SIGLEC6: variants seen among roughly 807,000 people sequenced by gnomAD.
SIGLEC6 encodes the protein sialic acid binding Ig like lectin 6, also known as sialic acid-binding Ig-like lectin 6.
SIGLEC6 carries 31 observed loss-of-function variants against 41.4 expected under a neutral mutation model. That is an observed-to-expected ratio of 0.75 (90% confidence interval 0.56 to 1.01). The LOEUF is 1.01. Among genes scored for constraint, SIGLEC6 ranks in the 50% least tolerant of loss-of-function variants. The pLI is 0.00. For missense variants in SIGLEC6, 555 were observed against 558.6 expected (o/e 0.99, Z 0.06); for synonymous variants, 217 against 231.0 (o/e 0.94, Z 0.55).
Position 51,529,792 on chromosome 19 carries a change from C to A in SIGLEC6, c.944G>T (p.Gly315Val). The change falls in exon 5 of 8, where the codon GGA becomes GTA. Residue 315 changes from glycine (G) to valine (V), a missense_variant. Gly to Val is a moderately radical substitution (Grantham distance 109). Transcript: ENST00000425629. ...ELPQVGSAEE[G>V]DFTCRAQHPL... ...ATGCTGAGCACGGCAGGTGAAATCT[C>A]CTTCTTCTGCAGACCCTACTTGAGG... 6.2e-7 allele frequency: 1 copy of A among 1,614,170 alleles called. No homozygotes were observed. The highest frequency in any genetic ancestry group is 8.5e-7 in the Non-Finnish European group (1 of 1,180,030).
intron 6 of SIGLEC6, 149 bp from the exon 7 acceptor site, chr19:51,527,977 A>T: frequency 3.2e-6 from 3 of 929,984 alleles, no homozygotes; most frequent in Non-Finnish European, 5.0e-6. Flanking sequence ...CACGGTTTCA[A>T]AGAGACCCCT....
At position 51,530,978 on chromosome 19, in the gene SIGLEC6, C is replaced by T. The variant is rs114596373; in HGVS notation, c.428-19G>A. On this transcript the variant is annotated intron_variant, in intron 2 of 7. Transcript: ENST00000425629. ...GTCAGGGCTGGTGAGGAGATGGGGACGCAGGATCAGGATGGAGGTCTGAGG... is the reference window on the plus strand; with the variant it reads ...GTCAGGGCTGGTGAGGAGATGGGGATGCAGGATCAGGATGGAGGTCTGAGG... 1.5e-3 allele frequency: 2,421 copies of T among 1,606,588 alleles called. 23 individuals carry two copies. In the African/African-American group the frequency reaches 0.026, roughly 18 times the overall value.
Position 51,531,253 on chromosome 19 carries a change from G to A in SIGLEC6, c.334C>T (p.Arg112Trp), listed in dbSNP as rs78225194. The A allele has an allele frequency of 3.9e-4, 631 of 1,614,028 alleles. 1 individual carries two copies. In the African/African-American group the frequency reaches 7.3e-3, roughly 19 times the overall value. The stretch of plus-strand genomic sequence containing the variant: ...AAGTATGCAGCATTGTCCCTCCTCC[G>A]GGCATCTCTGATGCTCAGGGAGCAG... ...KNCSLSIRDA[R>W]RRDNAAYFFR... The change falls in exon 2 of 8, where the codon CGG becomes TGG. Residue 112 changes from arginine (R) to tryptophan (W), a missense_variant. Transcript: ENST00000425629.
chr19:51,520,205 C>A lies in SIGLEC6; in HGVS notation c.1239G>T (p.Glu413Asp). The stretch of plus-strand genomic sequence containing the variant: ...GCTCATCTTCTGAGATGGGGCCAGC[C>A]TCAGCAGGGTGGTCTGAAACTATGC... ...QTGIVSDHPA[E>D]AGPISEDEQE... Residue 413 changes from glutamate to aspartate, a missense_variant, in exon 8 of 8, where the codon GAG (glutamate) becomes GAT (aspartate). By Grantham distance (45) the Glu-to-Asp change is conservative. Transcript: ENST00000425629. 6.2e-7 allele frequency: 1 copy of A among 1,608,568 alleles called. No homozygotes were observed. Among genetic ancestry groups the A allele is most frequent in the Non-Finnish European group, 8.5e-7 (1 of 1,175,854 alleles).
rs372682218 is a variant in SIGLEC6, at chr19:51,524,179, A to G, written c.1188+3568T>C. The stretch of plus-strand genomic sequence containing the variant: ...AAATATAAATGGTCTAAACACTCCA[A>G]TTAAAAGGAAGATATTGGCAGACTT... On this transcript the variant is annotated intron_variant, in intron 7 of 7. Transcript: ENST00000425629. Among the ~76,000 whole-genome samples, 253 of 152,372 alleles carry G rather than the reference A, an allele frequency of 1.7e-3. 2 individuals are homozygous for G. The highest frequency in any genetic ancestry group is 5.6e-3 in the African/African-American group (234 of 41,588).
In SIGLEC6 at chr19:51,531,157, T is replaced by TACCCATCA. The variant is rs1318330753; in HGVS notation, c.422_427+2dup. 6.3e-7 allele frequency: 1 copy of TACCCATCA among 1,578,096 alleles called. No homozygotes were observed. Among genetic ancestry groups the TACCCATCA allele is most frequent in the Non-Finnish European group, 8.6e-7 (1 of 1,160,650 alleles). ...GTGGCTAGTCCTGGAGCTGGTTCCT[T>TACCCATCA]ACCCATCACACGCACAGAGAGCTTG... is the stretch of plus-strand genomic sequence containing the variant. On this transcript the variant is annotated splice_region_variant and intron_variant, in intron 2 of 7. Transcript: ENST00000425629.
chr19:51,528,473 T>C, intron 5 of SIGLEC6: 1 of 579,020 alleles, frequency 1.7e-6, no homozygotes, highest in Non-Finnish European at 3.1e-6. Context: ...CACTCTTGTC[T>C]GGGCCTTGGA....
rs527672509 is a variant in SIGLEC6, at chr19:51,518,950, C to G, written c.*1132G>C. On this transcript the variant is annotated 3_prime_UTR_variant, in exon 8 of 8. Transcript: ENST00000425629. ...GACACCTGGTGCTGTGGCCTCTGGG[C>G]CTACTCCTTTTCAGCCTTAGAAGAA... 1.2e-3 allele frequency among the ~76,000 whole-genome samples: 189 copies of G among 152,180 alleles called. No individual in the cohort carries two copies. Among genetic ancestry groups the G allele is most frequent in the African/African-American group, 4.2e-3 (173 of 41,524 alleles).
intron 5 of SIGLEC6, chr19:51,529,516 C>G: frequency 1.6e-6 from 1 of 621,054 alleles, no homozygotes. Flanking sequence ...GGCTGCTGTT[C>G]CCATCCCTCC....
chr19:51,531,557 G>C, intron 1 of SIGLEC6, 25 bp downstream of exon 1: 1 of 1,613,928 alleles, frequency 6.2e-7, no homozygotes, highest in Non-Finnish European at 8.5e-7. Context: ...CCAGCCCCAC[G>C]GCACCTCTCC....
At position 51,531,283 on chromosome 19, in the gene SIGLEC6, T is replaced by C. The variant is rs1268377541; in HGVS notation, c.304A>G (p.Lys102Glu). 1 of 1,614,040 alleles carries C rather than the reference T, an allele frequency of 6.2e-7. No homozygotes were observed. The highest frequency in any genetic ancestry group is 8.5e-7 in the Non-Finnish European group (1 of 1,180,010). ...TCTCTGATGCTCAGGGAGCAGTTCTTCCTTCTGGGATCCCAGAGGAGGTGG... is the reference window on the plus strand; with the variant it reads ...TCTCTGATGCTCAGGGAGCAGTTCTCCCTTCTGGGATCCCAGAGGAGGTGG... ...RFHLLWDPRR[K>E]NCSLSIRDAR... Residue 102 changes from lysine (K) to glutamate (E), a missense_variant, in exon 2 of 8, where the codon AAG becomes GAG. Transcript: ENST00000425629.
In SIGLEC6 at chr19:51,518,417, T is replaced by A. The variant is rs977226123; in HGVS notation, c.*1665A>T. On this transcript the variant is annotated 3_prime_UTR_variant, in exon 8 of 8. Transcript: ENST00000425629. Reference sequence around the variant, plus strand: ...TGCAGTGATGCAATCTCAGCTCACTTCAACCTCCACCTCCCAGGTTCAAGC... The same window carrying A: ...TGCAGTGATGCAATCTCAGCTCACTACAACCTCCACCTCCCAGGTTCAAGC... Among the ~76,000 whole-genome samples the A allele has an allele frequency of 1.3e-5, 2 of 152,144 alleles. No individual in the cohort carries two copies. Among genetic ancestry groups the A allele is most frequent in the Admixed American group, 1.3e-4 (2 of 15,272 alleles).
In SIGLEC6 at chr19:51,530,922, G is replaced by C; in HGVS notation, c.465C>G (p.Thr155=). 1.2e-6 allele frequency: 2 copies of C among 1,613,168 alleles called. No homozygotes were observed. The highest frequency in any genetic ancestry group is 1.7e-6 in the Non-Finnish European group (2 of 1,179,992). Residue 155 remains threonine (T), a synonymous_variant, in exon 3 of 8, where the codon ACC becomes ACG. Transcript: ENST00000425629. ...THRPNISIPG[T]LESGHPSNLT... ...GATTGCTGGGATGGCCAGACTCCAG[G>C]GTCCCTGGGATGGAGATGTTGGGCC...
chr19:51,530,429 G>T lies in SIGLEC6; in HGVS notation c.754+8C>A, dbSNP rs1375057829. On this transcript the variant is annotated splice_region_variant and intron_variant, in intron 4 of 7. Transcript: ENST00000425629. The stretch of plus-strand genomic sequence containing the variant: ...GCCCTGGAGAGAACAGGACTGGCTG[G>T]TTCCTACCTGCGCTGTTTCCTTGGA... 6.2e-7 allele frequency: 1 copy of T among 1,613,740 alleles called. No homozygotes were observed. The highest frequency in any genetic ancestry group is 1.6e-4 in the Middle Eastern group (1 of 6,062).
At position 51,519,314 on chromosome 19, in the gene SIGLEC6, A is replaced by G. The variant is rs936228965; in HGVS notation, c.*768T>C. On this transcript the variant is annotated 3_prime_UTR_variant, in exon 8 of 8. Coordinates refer to ENST00000425629, the MANE Select transcript of SIGLEC6 (RefSeq NM_001245.7). ...CATCTCAGAAAAAAAAAAAAAAAAA[A>G]AAAGCTAGCCAAAGCCAGATACAAG... is the stretch of plus-strand genomic sequence containing the variant. Among the ~76,000 whole-genome samples the G allele has an allele frequency of 6.7e-6, 1 of 149,806 alleles. No homozygotes were observed. The highest frequency in any genetic ancestry group is 1.5e-5 in the Non-Finnish European group (1 of 67,832).
chr19:51,524,495 A>G (rs1349997588), intron 7 of SIGLEC6, among the ~76,000 whole-genome samples: 2 of 152,268 alleles, frequency 1.3e-5, no homozygotes, highest in Admixed American at 6.5e-5. Flanking sequence ...TGTAAAAATA[A>G]GCAGACAGAG....
In SIGLEC6 at chr19:51,530,448, C is replaced by T; in HGVS notation, c.743G>A (p.Gly248Glu). ...PQKVAISIFQ[G>E]NSAAFKILQN... ...TGGCTGGTTCCTACCTGCGCTGTTT[C>T]CTTGGAAGATGCTGATGGCCACTTT... The change falls in exon 4 of 8, where the codon GGA becomes GAA. Residue 248 changes from glycine (G) to glutamate (E), a missense_variant. By Grantham distance (98) the Gly-to-Glu change is moderately conservative. Coordinates refer to ENST00000425629, the MANE Select transcript of SIGLEC6 (RefSeq NM_001245.7). 1 of 1,614,118 alleles carries T rather than the reference C, an allele frequency of 6.2e-7. No homozygotes were observed.
In SIGLEC6 at chr19:51,530,685, G is replaced by T; in HGVS notation, c.702C>A (p.Val234=). The T allele has an allele frequency of 6.2e-7, 1 of 1,613,446 alleles. No homozygotes were observed. The highest frequency in any genetic ancestry group is 8.5e-7 in the Non-Finnish European group (1 of 1,179,766). Residue 234 remains valine, a synonymous_variant, in exon 3 of 8, where the codon GTC becomes GTA. Transcript: ENST00000425629. ...GCGTCCTGGCCCAGCACTCACAGGA[G>T]ACATTGAGCTGGATGGTTCTCTCCA... is the stretch of plus-strand genomic sequence containing the variant. ...VTMERTIQLN[V]SYAPQKVAIS...
intron 5 of SIGLEC6, 71 bp downstream of exon 5, chr19:51,529,653 G>C: frequency 1.9e-6 from 3 of 1,588,946 alleles, no homozygotes; most frequent in Non-Finnish European, 2.6e-6. Context: ...CTTAGCAGGG[G>C]CCTCTTCTCT....
Sources: gnomAD v4.1 joint callset for allele counts (sites outside exome capture counted in the v4.1 genomes callset) on GRCh38, gnomAD v4.1.1 for gene constraint, MANE v1.5 for transcripts, NCBI Gene and HGNC (gene_info 2026-07-23, HGNC 2026-07-21) for gene names.